The following CCSER1 variants were observed in gnomAD, a reference collection of about 807,000 sequenced individuals.
The protein encoded by CCSER1 is coiled-coil serine rich protein 1, also known as serine-rich coiled-coil domain-containing protein 1.
Under a neutral mutation model 82.0 loss-of-function variants are expected in CCSER1, and 41 were observed. The observed-to-expected ratio is 0.50, with a 90% CI of 0.39 to 0.65. CCSER1 has a LOEUF of 0.65. CCSER1 is among the 30% of genes least tolerant of loss of function. The pLI is 0.00. For missense variants in CCSER1, 1,119 were observed against 1,064.2 expected (o/e 1.05, Z -0.72); for synonymous variants, 414 against 383.9 (o/e 1.08, Z -0.92).
At chr4:90,836,038 A>G (rs1761764047) in intron 8 of CCSER1, among the ~76,000 whole-genome samples, 1 of 152,206 alleles carries the variant, frequency 6.6e-6, no homozygotes, top group Admixed American at 6.5e-5. Flanking sequence ...TCATTTTGGT[A>G]GCATTCCCAA....
At chr4:90,529,975 G>T (rs1253700001) in intron 5 of CCSER1, among the ~76,000 whole-genome samples, 3 of 150,484 alleles carry the variant, frequency 2.0e-5, no homozygotes, top group Non-Finnish European at 4.4e-5. Flanking sequence ...TAATGGTAGA[G>T]AATATCTGAT....
intron 1 of CCSER1, among the ~76,000 whole-genome samples, chr4:90,302,799 T>C (rs1733412404): frequency 6.8e-6 from 1 of 147,170 alleles, no homozygotes; most frequent in African/African-American, 2.7e-5. Flanking sequence ...CAAGACCTTG[T>C]CTCCAAAAAC....
At chr4:90,373,217 A>G (rs17016933) in intron 3 of CCSER1, among the ~76,000 whole-genome samples, 55,470 of 152,020 alleles carry the variant, frequency 0.36, 10,647 homozygotes, top group African/African-American at 0.47. Context: ...GTGACGAGAC[A>G]TATAAAGTGA....
chr4:90,591,432 A>C (rs1289559986), intron 5 of CCSER1, among the ~76,000 whole-genome samples: 2 of 152,198 alleles, frequency 1.3e-5, no homozygotes, highest in Non-Finnish European at 2.9e-5. Flanking sequence ...ACATATGAAA[A>C]AAAGCTCACC....
chr4:90,385,526 C>A (rs965547039), intron 3 of CCSER1, among the ~76,000 whole-genome samples: 4 of 148,374 alleles, frequency 2.7e-5, no homozygotes, highest in African/African-American at 7.5e-5. Context: ...GTGGCGCGAT[C>A]TCTGCTCACT....
intron 10 of CCSER1, among the ~76,000 whole-genome samples, chr4:91,420,877 G>A (rs1239973604): frequency 3.9e-5 from 6 of 152,136 alleles, no homozygotes; most frequent in Admixed American, 6.5e-5. Flanking sequence ...AGTCATTAAA[G>A]CAAAAAGGGA....
chr4:91,555,919 T>C (rs764426318), intron 10 of CCSER1, among the ~76,000 whole-genome samples: 74 of 151,332 alleles, frequency 4.9e-4, no homozygotes, highest in Non-Finnish European at 1.0e-3. Flanking sequence ...AAAGCTGAGA[T>C]GTATAAACAA....
At chr4:90,268,824 C>T (rs1560912157) in intron 1 of CCSER1, among the ~76,000 whole-genome samples, 2 of 151,698 alleles carry the variant, frequency 1.3e-5, no homozygotes, top group Admixed American at 6.6e-5. Flanking sequence ...TATAAAGACA[C>T]ACCTAGACAG....
intron 5 of CCSER1, among the ~76,000 whole-genome samples, chr4:90,495,333 A>G (rs1768821490): frequency 6.6e-6 from 1 of 152,148 alleles, no homozygotes; most frequent in Non-Finnish European, 1.5e-5. Context: ...TATGAATTTG[A>G]CATGCATTAA....
At chr4:90,331,727 G>A (rs1579228005) in intron 3 of CCSER1, among the ~76,000 whole-genome samples, 1 of 152,102 alleles carries the variant, frequency 6.6e-6, no homozygotes, top group South Asian at 2.1e-4. Context: ...AAAGGTTTAA[G>A]TAAAGTGAGT....
chr4:90,703,553 G>C (rs1738619993), intron 6 of CCSER1, among the ~76,000 whole-genome samples: 2 of 152,150 alleles, frequency 1.3e-5, no homozygotes, highest in Admixed American at 6.5e-5. Flanking sequence ...TCGTTGATCT[G>C]TCTAATGTTG....
chr4:91,425,966 G>A (rs559105505), intron 10 of CCSER1, among the ~76,000 whole-genome samples: 7 of 152,106 alleles, frequency 4.6e-5, no homozygotes, highest in Non-Finnish European at 8.8e-5. Context: ...GTATACACGT[G>A]CCATGGTGGT....
At chr4:90,468,154 T>C in intron 4 of CCSER1, 80 bp from the exon 5 acceptor site, 1 of 1,211,818 alleles carries the variant, frequency 8.3e-7, no homozygotes, top group Non-Finnish European at 1.1e-6. Context: ...TTAGACTAAA[T>C]ATAGAAAGGG....
chr4:90,427,129 G>C (rs1757632045), intron 4 of CCSER1, among the ~76,000 whole-genome samples: 1 of 151,932 alleles, frequency 6.6e-6, no homozygotes, highest in Non-Finnish European at 1.5e-5. Context: ...AGCCAAAACT[G>C]TATTCATGTG....
intron 9 of CCSER1, among the ~76,000 whole-genome samples, chr4:90,929,071 C>A (rs746637366): frequency 2.0e-5 from 3 of 151,960 alleles, no homozygotes; most frequent in Non-Finnish European, 2.9e-5. Flanking sequence ...TTCACCCTAC[C>A]CTCTTTTTTC....
At chr4:90,198,998 A>G (rs187862076) in intron 1 of CCSER1, among the ~76,000 whole-genome samples, 44 of 152,298 alleles carry the variant, frequency 2.9e-4, no homozygotes, top group African/African-American at 1.0e-3. Flanking sequence ...CAAATTGTCA[A>G]TCTTTTCACT....
intron 10 of CCSER1, among the ~76,000 whole-genome samples, chr4:91,448,986 T>G (rs1578485494): frequency 6.6e-6 from 1 of 152,222 alleles, no homozygotes; most frequent in Middle Eastern, 3.4e-3. Flanking sequence ...TTTACTGTTT[T>G]ACATGGGGTG....
chr4:91,044,565 T>G (rs1197590740), intron 9 of CCSER1, among the ~76,000 whole-genome samples: 2 of 152,196 alleles, frequency 1.3e-5, no homozygotes, highest in African/African-American at 4.8e-5. Context: ...TCCCAATACA[T>G]TTTAATTCAG....
At position 91,113,186 on chromosome 4, in the gene CCSER1, G is replaced by C. The variant is rs75447921; in HGVS notation, c.2217+27192G>C. ...TATATCTTTACAATCTTCAGAACCT[G>C]ATTTAAGAGACTTAAGTACAGGAAG... On this transcript the variant is annotated intron_variant, in intron 10 of 10. Transcript: ENST00000509176. Among the ~76,000 whole-genome samples, 1,446 of 152,238 alleles carry C rather than the reference G, an allele frequency of 9.5e-3. 37 individuals carry two copies. The highest frequency in any genetic ancestry group is 0.033 in the African/African-American group (1,386 of 41,524).
Sources: allele counts gnomAD v4.1 joint callset (sites outside exome capture counted in the v4.1 genomes callset), GRCh38; gene constraint gnomAD v4.1.1; transcripts MANE v1.5; gene names NCBI Gene and HGNC (gene_info 2026-07-23, HGNC 2026-07-21).